The following AP3S2 variants were observed in gnomAD, a reference collection of about 807,000 sequenced individuals.
AP3S2 encodes the protein AP-3 complex subunit sigma-2.
A neutral mutation model predicts 23.4 loss-of-function variants in AP3S2; 22 were observed. The observed-to-expected ratio is 0.94, with a 90% CI of 0.67 to 1.34. The LOEUF is 1.34. AP3S2 is among the 40% of genes most tolerant of loss of function. AP3S2 has a pLI of 0.00. For missense variants in AP3S2, 241 were observed against 236.9 expected (o/e 1.02, Z -0.11); for synonymous variants, 86 against 87.1 (o/e 0.99, Z 0.07).
At chr15:89,853,959 C>T (rs1357729977) in intron 4 of AP3S2, among the ~76,000 whole-genome samples, 1 of 46,334 alleles carries the variant, frequency 2.2e-5, no homozygotes, top group Non-Finnish European at 4.4e-5. Context: ...CCGGCAGCCA[C>T]CCCATCTGGG....
At chr15:89,886,889 G>A (rs1896713788) in intron 3 of AP3S2, among the ~76,000 whole-genome samples, 1 of 152,066 alleles carries the variant, frequency 6.6e-6, no homozygotes, top group African/African-American at 2.4e-5. Flanking sequence ...CCGCCTCCTG[G>A]GTTCATGCGA....
chr15:89,876,051 T>C (rs1282749052), intron 3 of AP3S2, among the ~76,000 whole-genome samples: 1 of 152,076 alleles, frequency 6.6e-6, no homozygotes, highest in African/African-American at 2.4e-5. Flanking sequence ...AAAGGCATCA[T>C]CGTAGTAGAG....
chr15:89,879,966 T>TC (rs1390782549), intron 3 of AP3S2, among the ~76,000 whole-genome samples: 1 of 151,216 alleles, frequency 6.6e-6, no homozygotes, highest in Non-Finnish European at 1.5e-5. Flanking sequence ...TCTTCATTTT[T>TC]TTTTTTTTTT....
In AP3S2 at chr15:89,834,905, AAAAAAACCAC is replaced by A. The variant is rs1895153122; in HGVS notation, c.*600_*609del. 6.6e-6 allele frequency: 1 copy of A among 152,196 alleles called. No homozygotes were observed. Among genetic ancestry groups the A allele is most frequent in the Non-Finnish European group, 1.5e-5 (1 of 68,148 alleles). 9.4% of individuals were successfully genotyped at this position (152,196 alleles called of 1,614,324 possible). A position where few individuals can be genotyped will look rare whatever the true frequency, so the allele number is the denominator to read the frequency against. On this transcript the variant is annotated 3_prime_UTR_variant, in exon 6 of 6. Coordinates refer to ENST00000336418, the MANE Select transcript of AP3S2 (RefSeq NM_005829.5). ...ACAGAGCAAGACTCCACCTCAAAAA[AAAAAAACCAC>A]AAAAAAACACAAAAGGATTCTGGGT...
chr15:89,851,852 G>A (rs1016070177), intron 4 of AP3S2, among the ~76,000 whole-genome samples: 1 of 149,934 alleles, frequency 6.7e-6, no homozygotes, highest in Non-Finnish European at 1.5e-5. Flanking sequence ...CTAACCCAGT[G>A]TTTCATCCTC....
At position 89,859,322 on chromosome 15, in the gene AP3S2, TTCC is replaced by T. The variant is rs563449119; in HGVS notation, c.345+12150_345+12152del. ...TTTCTTCCTTCCTTCCTTTCCTTCC[TTCC>T]TTTTTCCTTCCTTTCCTTCCTTCCT... On this transcript the variant is annotated intron_variant, in intron 4 of 5. Coordinates refer to ENST00000336418, the MANE Select transcript of AP3S2 (RefSeq NM_005829.5). 6.6e-4 allele frequency among the ~76,000 whole-genome samples: 100 copies of T among 150,378 alleles called. 4 individuals are homozygous for T. In the South Asian group the frequency reaches 0.02, roughly 30 times the overall value.
intron 4 of AP3S2, 51 bp from the exon 5 acceptor site, chr15:89,837,773 T>C: frequency 1.2e-6 from 2 of 1,608,996 alleles, no homozygotes; most frequent in South Asian, 1.1e-5. Context: ...GTGGTCAGAG[T>C]GTAACCCACG....
At chr15:89,854,491 C>G (rs1895760172) in intron 4 of AP3S2, among the ~76,000 whole-genome samples, 1 of 63,182 alleles carries the variant, frequency 1.6e-5, no homozygotes. Flanking sequence ...CCCCTCTGCC[C>G]GGCCAGCCGC....
chr15:89,893,807 C>T, intron 1 of AP3S2, 74 bp downstream of exon 1: 1 of 1,461,886 alleles, frequency 6.8e-7, no homozygotes. Flanking sequence ...TGCCCCCGGG[C>T]GCCGAGAGGC....
chr15:89,884,751 ATTC>A (rs1896655086), intron 3 of AP3S2, among the ~76,000 whole-genome samples: 1 of 151,186 alleles, frequency 6.6e-6, no homozygotes, highest in Non-Finnish European at 1.5e-5. Context: ...AGCTCAAGCG[ATTC>A]TTCTGCCTCA....
chr15:89,878,174 A>C, intron 3 of AP3S2: 1 of 578,944 alleles, frequency 1.7e-6, no homozygotes. Flanking sequence ...ATAATCCAGC[A>C]CAAATAAGCT....
At chr15:89,879,385 T>G (rs1483322060) in intron 3 of AP3S2, among the ~76,000 whole-genome samples, 1 of 152,168 alleles carries the variant, frequency 6.6e-6, no homozygotes, top group Non-Finnish European at 1.5e-5. Flanking sequence ...TATGTGCATA[T>G]AGATGCACGT....
At chr15:89,861,641 A>G (rs1896011744) in intron 4 of AP3S2, among the ~76,000 whole-genome samples, 4 of 152,136 alleles carry the variant, frequency 2.6e-5, no homozygotes, top group African/African-American at 7.2e-5. Flanking sequence ...CCAGCCTCCA[A>G]CAGTTTAAAT....
Position 89,879,048 on chromosome 15 carries a change from G to T in AP3S2, c.274-7502C>A, listed in dbSNP as rs558702848. Among the ~76,000 whole-genome samples the T allele has an allele frequency of 2.0e-4, 30 of 152,282 alleles. No homozygotes were observed. In the South Asian group the frequency reaches 6.0e-3, roughly 31 times the overall value. ...GGCGTGGGCCGCCGCACCCAGCCAGGCTAATTTTTTCGTAGAGACAAAGTC... is the reference window on the plus strand; with the variant it reads ...GGCGTGGGCCGCCGCACCCAGCCAGTCTAATTTTTTCGTAGAGACAAAGTC... On this transcript the variant is annotated intron_variant, in intron 3 of 5. Coordinates refer to ENST00000336418, the MANE Select transcript of AP3S2 (RefSeq NM_005829.5).
chr15:89,841,628 A>G (rs1485803661), intron 4 of AP3S2, among the ~76,000 whole-genome samples: 3 of 152,186 alleles, frequency 2.0e-5, no homozygotes, highest in Non-Finnish European at 4.4e-5. Flanking sequence ...CATCCTTTGC[A>G]TTGTGGAGAT....
intron 4 of AP3S2, among the ~76,000 whole-genome samples, chr15:89,848,422 G>A (rs1196615594): frequency 2.0e-5 from 3 of 152,206 alleles, no homozygotes; most frequent in Non-Finnish European, 4.4e-5. Flanking sequence ...GTGCAGTGGC[G>A]TGATCTTGGC....
chr15:89,859,804 C>T (rs764109137), intron 4 of AP3S2, among the ~76,000 whole-genome samples: 1 of 146,568 alleles, frequency 6.8e-6, no homozygotes, highest in Non-Finnish European at 1.5e-5. Flanking sequence ...CGCTCTGTCA[C>T]CCAGGCTGGA....
chr15:89,867,708 C>T (rs7496979), intron 4 of AP3S2, among the ~76,000 whole-genome samples: 3 of 125,066 alleles, frequency 2.4e-5, no homozygotes, highest in Non-Finnish European at 3.4e-5. Flanking sequence ...GCCGAGACCC[C>T]GTCTGGGAGG....
chr15:89,835,383 C>G lies in AP3S2; in HGVS notation c.*132G>C. ...TCCCTATTCCATGCCAAACAGTCTT[C>G]CCCAGACACAAAGTTTCCAGGTCCT... is the stretch of plus-strand genomic sequence containing the variant. On this transcript the variant is annotated 3_prime_UTR_variant, in exon 6 of 6. Coordinates refer to ENST00000336418, the MANE Select transcript of AP3S2 (RefSeq NM_005829.5). The G allele has an allele frequency of 6.8e-7, 1 of 1,469,786 alleles. No individual in the cohort carries two copies. Among genetic ancestry groups the G allele is most frequent in the Non-Finnish European group, 9.2e-7 (1 of 1,091,166 alleles). 91.0% of individuals were successfully genotyped at this position (1,469,786 alleles called of 1,614,324 possible).
Sources: allele counts gnomAD v4.1 joint callset (sites outside exome capture counted in the v4.1 genomes callset), GRCh38; gene constraint gnomAD v4.1.1; transcripts MANE v1.5; gene names NCBI Gene and HGNC (gene_info 2026-07-23, HGNC 2026-07-21).